Variants in ZMAT4 observed in about 807,000 individuals in gnomAD.
ZMAT4 encodes zinc finger matrin-type 4.
A neutral mutation model predicts 28.7 loss-of-function variants in ZMAT4; 17 were observed. The observed-to-expected ratio is 0.59, with a 90% CI of 0.41 to 0.89. The LOEUF (loss-of-function observed/expected upper bound fraction) is 0.89, where lower values mean the gene tolerates loss of function less well. Ranked by LOEUF, ZMAT4 falls within the 40% of genes least tolerant of loss-of-function variation. ZMAT4 has a pLI of 0.00. For synonymous variants in ZMAT4, 117 were observed against 109.2 expected (o/e 1.07, Z -0.44); for missense variants, 240 against 283.8 (o/e 0.85, Z 1.11).
intron 6 of ZMAT4, among the ~76,000 whole-genome samples, chr8:40,565,107 T>G (rs1331491560): frequency 6.6e-6 from 1 of 152,214 alleles, no homozygotes; most frequent in Non-Finnish European, 1.5e-5. Context: ...TTGATGTCTC[T>G]AATCATCATT....
At chr8:40,658,321 T>C (rs1366454803) in intron 5 of ZMAT4, among the ~76,000 whole-genome samples, 1 of 152,206 alleles carries the variant, frequency 6.6e-6, no homozygotes. Context: ...AGACTGCATC[T>C]GAATATTATG....
intron 1 of ZMAT4, among the ~76,000 whole-genome samples, chr8:40,832,201 C>T (rs1816307738): frequency 6.6e-6 from 1 of 152,156 alleles, no homozygotes; most frequent in African/African-American, 2.4e-5. Flanking sequence ...CAAGGACAGA[C>T]ATTCAGTGCA....
chr8:40,581,314 A>G, intron 5 of ZMAT4, 53 bp from the exon 6 acceptor site: 1 of 1,469,786 alleles, frequency 6.8e-7, no homozygotes, highest in Non-Finnish European at 9.5e-7. Context: ...AACCACCTGA[A>G]ATGAATCCTA....
intron 5 of ZMAT4, among the ~76,000 whole-genome samples, chr8:40,584,178 C>T (rs1804584920): frequency 6.6e-6 from 1 of 152,136 alleles, no homozygotes; most frequent in Non-Finnish European, 1.5e-5. Context: ...ATTCGCACTT[C>T]CTGCCCAGTC....
chr8:40,723,134 T>C (rs1471486564), intron 3 of ZMAT4, among the ~76,000 whole-genome samples: 1 of 152,102 alleles, frequency 6.6e-6, no homozygotes, highest in Non-Finnish European at 1.5e-5. Flanking sequence ...CCCCAGAGCA[T>C]TGCCTATGAA....
chr8:40,853,676 T>G (rs573301381), intron 1 of ZMAT4, among the ~76,000 whole-genome samples: 112 of 152,356 alleles, frequency 7.4e-4, no homozygotes, highest in South Asian at 6.8e-3. Flanking sequence ...GCAGTTGCAC[T>G]GATTTTCAGT....
chr8:40,757,322 C>T (rs1234838032), intron 3 of ZMAT4, among the ~76,000 whole-genome samples: 1 of 152,176 alleles, frequency 6.6e-6, no homozygotes, highest in Non-Finnish European at 1.5e-5. Flanking sequence ...CGAATCTGCT[C>T]ATATGGAATC....
At chr8:40,805,252 C>G (rs962198452) in intron 2 of ZMAT4, among the ~76,000 whole-genome samples, 11 of 150,080 alleles carry the variant, frequency 7.3e-5, no homozygotes, top group African/African-American at 2.2e-4. Flanking sequence ...CCATCTCACA[C>G]CAGTTAGAAT....
rs140367322 is a variant in ZMAT4, at chr8:40,778,637, A to T, written c.103-10907T>A. ...TAAGTACTCCAAAGCATATTTGATT[A>T]TTCCACCAGTATTTGTTTTATTTAA... On this transcript the variant is annotated intron_variant, in intron 2 of 6. Coordinates refer to ENST00000297737, the MANE Select transcript of ZMAT4 (RefSeq NM_024645.3). Among the ~76,000 whole-genome samples the T allele has an allele frequency of 9.3e-4, 141 of 152,348 alleles. 3 individuals are homozygous for T. In the East Asian group the frequency reaches 0.016, roughly 18 times the overall value.
chr8:40,746,137 C>G (rs776680744), intron 3 of ZMAT4, among the ~76,000 whole-genome samples: 4 of 152,114 alleles, frequency 2.6e-5, no homozygotes, highest in Non-Finnish European at 5.9e-5. Flanking sequence ...CCACCCAAAT[C>G]TCTCCTCTGA....
intron 1 of ZMAT4, among the ~76,000 whole-genome samples, chr8:40,896,108 A>T (rs867203323): frequency 6.6e-6 from 1 of 152,162 alleles, no homozygotes; most frequent in African/African-American, 2.4e-5. Flanking sequence ...AACCATTGTG[A>T]ATAGAGTTTC....
intron 3 of ZMAT4, among the ~76,000 whole-genome samples, chr8:40,713,740 G>T (rs932945152): frequency 6.6e-6 from 1 of 151,158 alleles, no homozygotes; most frequent in East Asian, 1.9e-4. Flanking sequence ...GAAACCCGGC[G>T]TCTACTAAAA....
At chr8:40,635,733 C>T (rs763389883) in intron 5 of ZMAT4, among the ~76,000 whole-genome samples, 9 of 152,122 alleles carry the variant, frequency 5.9e-5, no homozygotes, top group Non-Finnish European at 1.0e-4. Flanking sequence ...ACTCTACATC[C>T]GCAATGATCT....
chr8:40,718,161 T>A (rs1810934316), intron 3 of ZMAT4, among the ~76,000 whole-genome samples: 1 of 152,354 alleles, frequency 6.6e-6, no homozygotes, highest in African/African-American at 2.4e-5. Flanking sequence ...TAGCCACTTA[T>A]AAATAGCTGT....
At chr8:40,789,677 T>C (rs1439154132) in intron 2 of ZMAT4, among the ~76,000 whole-genome samples, 1 of 152,128 alleles carries the variant, frequency 6.6e-6, no homozygotes, top group Non-Finnish European at 1.5e-5. Flanking sequence ...ATGTACCCCA[T>C]AAATATACAT....
chr8:40,756,426 T>TTTTATATATATA (rs1389568182), intron 3 of ZMAT4, among the ~76,000 whole-genome samples: 8 of 73,278 alleles, frequency 1.1e-4, no homozygotes, highest in African/African-American at 4.2e-4. Context: ...AAATGTTCTT[T>TTTTATATATATA]TATATATATA....
intron 3 of ZMAT4, among the ~76,000 whole-genome samples, chr8:40,708,571 TTCTCTCTCTCTCTCTC>T (rs36210172): frequency 5.0e-5 from 6 of 120,980 alleles, no homozygotes; most frequent in African/African-American, 1.6e-4. Flanking sequence ...TACACACTCT[TTCTCTCTCTCTCTCTC>T]TCTCTCTCTC....
chr8:40,815,383 A>G (rs898984916), intron 2 of ZMAT4, among the ~76,000 whole-genome samples: 20 of 152,244 alleles, frequency 1.3e-4, no homozygotes, highest in Middle Eastern at 3.2e-3. Context: ...GGATGTGACC[A>G]TGAATTTGGT....
At chr8:40,715,804 C>A (rs941329600) in intron 3 of ZMAT4, among the ~76,000 whole-genome samples, 7 of 152,212 alleles carry the variant, frequency 4.6e-5, no homozygotes, top group African/African-American at 7.2e-5. Flanking sequence ...TGGGTCCCTT[C>A]GTTCAGCAGG....
Sources: gnomAD v4.1 joint callset for allele counts (sites outside exome capture counted in the v4.1 genomes callset) on GRCh38, gnomAD v4.1.1 for gene constraint, MANE v1.5 for transcripts, NCBI Gene and HGNC (gene_info 2026-07-23, HGNC 2026-07-21) for gene names.